NSUN4: variants seen among roughly 807,000 people sequenced by gnomAD.
NSUN4 encodes NOP2/Sun RNA methyltransferase 4, also known as 5-cytosine rRNA methyltransferase NSUN4.
In NSUN4, 31 loss-of-function variants were observed where a neutral mutation model predicts 43.8. The ratio of observed to expected loss-of-function variants is 0.71; its 90% CI spans 0.53 to 0.96. The LOEUF (loss-of-function observed/expected upper bound fraction) is 0.96, where lower values mean the gene tolerates loss of function less well. Ranked by LOEUF, NSUN4 falls within the 40% of genes least tolerant of loss-of-function variation. NSUN4 has a pLI of 0.00. For synonymous variants in NSUN4, 167 were observed against 184.1 expected, an observed-to-expected ratio of 0.91 and a Z score of 0.75; for missense variants, 439 against 475.6, an observed-to-expected ratio of 0.92 and a Z score of 0.72.
intron 5 of NSUN4, 59 bp downstream of exon 5, chr1:46,360,887 G>A (rs1663820455): frequency 1.9e-6 from 3 of 1,591,564 alleles, no homozygotes; most frequent in East Asian, 2.2e-5. Flanking sequence ...GAGACTGGGG[G>A]ACTGGAAGCT....
At chr1:46,351,854 C>T (rs534917560) in intron 3 of NSUN4, among the ~76,000 whole-genome samples, 6 of 151,396 alleles carry the variant, frequency 4.0e-5, no homozygotes, top group African/African-American at 1.5e-4. Context: ...TTAGTAGAGA[C>T]GGGGTTTCAC....
the NSUN4 span, among the ~76,000 whole-genome samples, chr1:46,377,867 A>G: frequency 6.6e-6 from 1 of 152,208 alleles, no homozygotes. Context: ...CCATAGTTTC[A>G]AACAAATTAT....
the NSUN4 span, among the ~76,000 whole-genome samples, chr1:46,373,718 GAATT>G: frequency 6.6e-6 from 1 of 152,148 alleles, no homozygotes; most frequent in African/African-American, 2.4e-5. Context: ...ATCCATGAAT[GAATT>G]AATCCACTCA....
chr1:46,351,318 C>G (rs906063252), intron 3 of NSUN4, among the ~76,000 whole-genome samples: 2 of 152,196 alleles, frequency 1.3e-5, no homozygotes, highest in East Asian at 3.9e-4. Flanking sequence ...AAGCCGAGAT[C>G]GCGCCATTGC....
At chr1:46,353,686 C>T (rs1053892485) in intron 4 of NSUN4, among the ~76,000 whole-genome samples, 1 of 152,066 alleles carries the variant, frequency 6.6e-6, no homozygotes, top group African/African-American at 2.4e-5. Flanking sequence ...ACCATCTTGG[C>T]CAGGCTGGTC....
the NSUN4 span, chr1:46,370,445 C>T: frequency 6.6e-6 from 1 of 152,060 alleles, no homozygotes; most frequent in African/African-American, 2.4e-5. Context: ...GTTACTCCTT[C>T]TCTTGGACAT....
chr1:46,345,031 G>T lies in NSUN4; in HGVS notation c.324G>T (p.Leu108=). Residue 108 remains leucine (L), a synonymous_variant, in exon 2 of 6, where the codon CTG becomes CTT. Coordinates refer to ENST00000474844, the MANE Select transcript of NSUN4 (RefSeq NM_199044.4). ...ATGAAGCCATCTCCCACTGGGAACT[G>T]CAGTCTGAGGGTGGCCAATCTGCAG... The part of the protein sequence containing the change: ...FVNEAISHWE[L]QSEGGQSAAP... 2 of 1,614,186 alleles carry T rather than the reference G, an allele frequency of 1.2e-6. No homozygotes were observed. Among genetic ancestry groups the T allele is most frequent in the Non-Finnish European group, 1.7e-6 (2 of 1,180,004 alleles).
At position 46,344,851 on chromosome 1, in the gene NSUN4, T is replaced by C. The variant is rs747039384; in HGVS notation, c.144T>C (p.Phe48=). 6.8e-6 allele frequency: 11 copies of C among 1,614,240 alleles called. No homozygotes were observed. The highest frequency in any genetic ancestry group is 1.6e-4 in the Middle Eastern group (1 of 6,062). The stretch of plus-strand genomic sequence containing the variant: ...CTGTTCGACTGGCTTTGCAGAATTT[T>C]GACATGACTTACAGTGTGCAGTTTG... ...FPAVRLALQN[F]DMTYSVQFGD... is the part of the protein sequence containing the mutation. Residue 48 remains phenylalanine (F), a synonymous_variant, in exon 2 of 6, where the codon TTT becomes TTC. Coordinates refer to ENST00000474844, the MANE Select transcript of NSUN4 (RefSeq NM_199044.4).
At chr1:46,375,578 A>G in the NSUN4 span, among the ~76,000 whole-genome samples, 1 of 151,306 alleles carries the variant, frequency 6.6e-6, no homozygotes. Flanking sequence ...TACAAAAAAT[A>G]AAAACAAAAT....
intron 4 of NSUN4, among the ~76,000 whole-genome samples, chr1:46,359,214 C>T (rs1351266249): frequency 1.3e-5 from 2 of 151,948 alleles, no homozygotes; most frequent in South Asian, 2.1e-4. Context: ...GAGCCGAGAT[C>T]GTGCCATTGT....
chr1:46,378,664 T>C, the NSUN4 span, among the ~76,000 whole-genome samples: 2 of 152,256 alleles, frequency 1.3e-5, no homozygotes, highest in Non-Finnish European at 2.9e-5. Flanking sequence ...GAACCAACCT[T>C]CAAAGTGGTG....
chr1:46,353,070 G>A (rs781039739), intron 4 of NSUN4, 42 bp downstream of exon 4: 40 of 1,591,400 alleles, frequency 2.5e-5, no homozygotes, highest in Admixed American at 8.4e-5. Flanking sequence ...AGCTTAATGC[G>A]GCCTCCCCAT....
the NSUN4 span, among the ~76,000 whole-genome samples, chr1:46,379,507 TG>T: frequency 6.6e-6 from 1 of 152,110 alleles, no homozygotes; most frequent in East Asian, 1.9e-4. Flanking sequence ...CCCAGCTACT[TG>T]GGTGGCTGAG....
chr1:46,382,347 G>A, the NSUN4 span, among the ~76,000 whole-genome samples: 1 of 152,116 alleles, frequency 6.6e-6, no homozygotes, highest in Non-Finnish European at 1.5e-5. Flanking sequence ...AAAGCTACAC[G>A]TCAACCCAAA....
At chr1:46,377,343 C>A in the NSUN4 span, among the ~76,000 whole-genome samples, 1 of 152,210 alleles carries the variant, frequency 6.6e-6, no homozygotes, top group Non-Finnish European at 1.5e-5. Context: ...AGCCACCATG[C>A]CCAACCAGAG....
At chr1:46,374,003 C>A in the NSUN4 span, among the ~76,000 whole-genome samples, 1 of 151,870 alleles carries the variant, frequency 6.6e-6, no homozygotes, top group Non-Finnish European at 1.5e-5. Context: ...TTTAAGAGAT[C>A]TAGCCGGGCG....
chr1:46,371,508 A>ATTG, the NSUN4 span, among the ~76,000 whole-genome samples: 1 of 152,004 alleles, frequency 6.6e-6, no homozygotes, highest in Non-Finnish European at 1.5e-5. Flanking sequence ...GGGTTTTACC[A>ATTG]TGTTAGCCAG....
chr1:46,346,933 G>C lies in NSUN4; in HGVS notation c.450G>C (p.Leu150=). ...TCCTCTTTTCCAGACCTGGCAGCCT[G>C]GGTGTCATGGAGTACTACCTGATGG... ...SRFPPARPGS[L]GVMEYYLMDA... Residue 150 remains leucine (L), a synonymous_variant, in exon 3 of 6, where the codon CTG becomes CTC. Coordinates refer to ENST00000474844, the MANE Select transcript of NSUN4 (RefSeq NM_199044.4). 1 of 1,613,510 alleles carries C rather than the reference G, an allele frequency of 6.2e-7. No individual in the cohort carries two copies. Among genetic ancestry groups the C allele is most frequent in the Non-Finnish European group, 8.5e-7 (1 of 1,179,794 alleles).
intron 4 of NSUN4, among the ~76,000 whole-genome samples, chr1:46,360,249 A>AATATATATATAT (rs773980804): frequency 6.2e-4 from 16 of 25,760 alleles, no homozygotes; most frequent in South Asian, 2.2e-3. Flanking sequence ...AAAAAAAAAA[A>AATATATATATAT]ATATATATAT....
Sources: allele counts gnomAD v4.1 joint callset (sites outside exome capture counted in the v4.1 genomes callset), GRCh38; gene constraint gnomAD v4.1.1; transcripts MANE v1.5; gene names NCBI Gene and HGNC (gene_info 2026-07-23, HGNC 2026-07-21).